Variants in APPBP2 observed in about 807,000 individuals in gnomAD.
APPBP2 encodes amyloid beta precursor protein binding protein 2.
A neutral mutation model predicts 76.0 loss-of-function variants in APPBP2; 15 were observed. The observed-to-expected ratio is 0.20, with a 90% CI of 0.13 to 0.30. The LOEUF (loss-of-function observed/expected upper bound fraction) is 0.30. Among genes scored for constraint, APPBP2 ranks in the 10% least tolerant of loss-of-function variants. The pLI is 1.00. For synonymous variants in APPBP2, 222 were observed against 242.2 expected, an observed-to-expected ratio of 0.92 and a Z score of 0.77; for missense variants, 401 against 687.2, an observed-to-expected ratio of 0.58 and a Z score of 4.66.
chr17:60,524,005 C>A (rs2091030459), intron 1 of APPBP2, among the ~76,000 whole-genome samples: 1 of 152,184 alleles, frequency 6.6e-6, no homozygotes, highest in South Asian at 2.1e-4. Flanking sequence ...ACATGTTTAA[C>A]ACTTCCCTCA....
chr17:60,506,602 C>T (rs1275594019), intron 1 of APPBP2, among the ~76,000 whole-genome samples: 1 of 152,180 alleles, frequency 6.6e-6, no homozygotes, highest in Non-Finnish European at 1.5e-5. Context: ...GACATGCATG[C>T]ATTCACTTAA....
At chr17:60,500,350 G>GT in intron 2 of APPBP2, 49 bp downstream of exon 2, 1 of 1,311,684 alleles carries the variant, frequency 7.6e-7, no homozygotes, top group South Asian at 1.3e-5. Context: ...GGTTAAAATG[G>GT]TAAATTTTAT....
At chr17:60,451,250 G>C (rs369015262) in intron 12 of APPBP2, among the ~76,000 whole-genome samples, 2 of 152,152 alleles carry the variant, frequency 1.3e-5, no homozygotes, top group African/African-American at 2.4e-5. Context: ...TAGGAGAAGG[G>C]AGGGGGAGGA....
chr17:60,449,467 G>A (rs956929346), intron 12 of APPBP2, among the ~76,000 whole-genome samples: 1 of 152,116 alleles, frequency 6.6e-6, no homozygotes, highest in African/African-American at 2.4e-5. Flanking sequence ...GTGGTGGTGT[G>A]CATCTGTAGT....
intron 9 of APPBP2, chr17:60,459,624 T>TG (rs1173743283): frequency 1.3e-5 from 2 of 151,730 alleles, no homozygotes; most frequent in South Asian, 2.1e-4. Flanking sequence ...CCCGAATAGC[T>TG]GGGATTACAA....
chr17:60,484,879 A>ATTATT (rs747424146), intron 3 of APPBP2, among the ~76,000 whole-genome samples: 12,475 of 152,134 alleles, frequency 0.082, 1,685 homozygotes, highest in African/African-American at 0.28. Context: ...TTAAACGGCT[A>ATTATT]TTATTTTGAG....
chr17:60,483,454 C>T (rs1355125865), intron 3 of APPBP2, among the ~76,000 whole-genome samples: 3 of 152,008 alleles, frequency 2.0e-5, no homozygotes, highest in Non-Finnish European at 4.4e-5. Flanking sequence ...AGTGCAGTAG[C>T]GCAATCTCGG....
chr17:60,481,237 G>A (rs1421989628), intron 3 of APPBP2, among the ~76,000 whole-genome samples: 1 of 152,080 alleles, frequency 6.6e-6, no homozygotes, highest in Non-Finnish European at 1.5e-5. Context: ...CAGCTGCTTT[G>A]TCCATAATAC....
chr17:60,508,876 C>G (rs752018873), intron 1 of APPBP2, among the ~76,000 whole-genome samples: 3 of 152,096 alleles, frequency 2.0e-5, no homozygotes, highest in Non-Finnish European at 4.4e-5. Context: ...GATGAAAATG[C>G]TGTATATACT....
intron 1 of APPBP2, among the ~76,000 whole-genome samples, chr17:60,523,647 A>G (rs1211055193): frequency 1.3e-5 from 2 of 152,234 alleles, no homozygotes; most frequent in East Asian, 3.8e-4. Flanking sequence ...TGGGCAAAAC[A>G]GCGAGACCCC....
At chr17:60,503,305 T>C (rs1598369542) in intron 1 of APPBP2, among the ~76,000 whole-genome samples, 1 of 146,418 alleles carries the variant, frequency 6.8e-6, no homozygotes, top group Non-Finnish European at 1.5e-5. Context: ...GTTTCTCTAG[T>C]TAAAATGCGC....
intron 4 of APPBP2, among the ~76,000 whole-genome samples, chr17:60,475,825 G>A (rs796383891): frequency 6.6e-6 from 1 of 152,074 alleles, no homozygotes; most frequent in Non-Finnish European, 1.5e-5. Flanking sequence ...TAAAAAGTAA[G>A]TTTGTTCTGC....
intron 2 of APPBP2, among the ~76,000 whole-genome samples, chr17:60,495,665 T>C (rs1172967255): frequency 2.0e-5 from 3 of 151,650 alleles, no homozygotes; most frequent in African/African-American, 7.3e-5. Flanking sequence ...TGTCATGAGG[T>C]GAAAAAACGG....
intron 4 of APPBP2, among the ~76,000 whole-genome samples, chr17:60,467,049 A>G (rs1049835572): frequency 1.3e-5 from 2 of 152,246 alleles, no homozygotes; most frequent in African/African-American, 4.8e-5. Flanking sequence ...TGATATGCAA[A>G]AATAGTACAA....
intron 1 of APPBP2, among the ~76,000 whole-genome samples, chr17:60,504,338 C>A (rs1000472261): frequency 7.2e-5 from 11 of 151,786 alleles, no homozygotes; most frequent in African/African-American, 2.7e-4. Context: ...ATAGATCAAC[C>A]AACAGAACAA....
chr17:60,449,198 T>G (rs556169567), intron 12 of APPBP2, among the ~76,000 whole-genome samples: 1 of 152,314 alleles, frequency 6.6e-6, no homozygotes, highest in African/African-American at 2.4e-5. Flanking sequence ...CTACATGCAC[T>G]TGAGGAATGA....
intron 12 of APPBP2, among the ~76,000 whole-genome samples, chr17:60,450,764 C>T (rs1252559715): frequency 6.8e-6 from 1 of 147,108 alleles, no homozygotes; most frequent in African/African-American, 2.5e-5. Context: ...AGAGTAAGAT[C>T]CTGTCTCAAA....
chr17:60,520,941 T>C (rs2091005594), intron 1 of APPBP2, among the ~76,000 whole-genome samples: 1 of 152,142 alleles, frequency 6.6e-6, no homozygotes, highest in East Asian at 1.9e-4. Context: ...GAATTTTCTT[T>C]TAAGAGATAA....
intron 5 of APPBP2, 100 bp from the exon 6 acceptor site, chr17:60,464,210 GAACA>G: frequency 2.7e-6 from 2 of 751,096 alleles, no homozygotes. Context: ...ACTTAAATAA[GAACA>G]CACACAAAAT....
Sources: gnomAD v4.1 joint callset for allele counts (sites outside exome capture counted in the v4.1 genomes callset) on GRCh38, gnomAD v4.1.1 for gene constraint, MANE v1.5 for transcripts, NCBI Gene and HGNC (gene_info 2026-07-23, HGNC 2026-07-21) for gene names.